The following FAM13B variants were observed in gnomAD, a reference collection of about 807,000 sequenced individuals.
The protein encoded by FAM13B is family with sequence similarity 13 member B.
In FAM13B, 60 loss-of-function variants were observed where a neutral mutation model predicts 117.3. That is an observed-to-expected ratio of 0.51 (90% CI 0.42 to 0.63). The LOEUF (loss-of-function observed/expected upper bound fraction) is 0.63. Ranked by LOEUF, FAM13B falls within the 30% of genes least tolerant of loss-of-function variation. FAM13B has a pLI of 0.00. For synonymous variants in FAM13B, 332 were observed against 356.1 expected, an observed-to-expected ratio of 0.93 and a Z score of 0.76; for missense variants, 972 against 1,091.9, an observed-to-expected ratio of 0.89 and a Z score of 1.55.
Position 138,019,927 on chromosome 5 carries a change from G to A in FAM13B, c.-35-781C>T, listed in dbSNP as rs561590014. The stretch of plus-strand genomic sequence containing the variant: ...CATCTCCTGACCTCGTGATCTGCCC[G>A]TCTCGGCCCCCAAAGTGCTGGGATT... On this transcript the variant is annotated intron_variant, in intron 2 of 23. Transcript: ENST00000689681. 6.3e-5 allele frequency: 33 copies of A among 522,886 alleles called. No homozygotes were observed. In the South Asian group the frequency reaches 1.1e-3, roughly 17 times the overall value. 32.4% of individuals were successfully genotyped at this position (522,886 alleles called of 1,614,324 possible). A position where few individuals can be genotyped will look rare whatever the true frequency, so the allele number is the denominator to read the frequency against.
intron 6 of FAM13B, among the ~76,000 whole-genome samples, chr5:138,010,019 C>T (rs576877880): frequency 3.3e-5 from 5 of 152,136 alleles, no homozygotes; most frequent in African/African-American, 1.2e-4. Flanking sequence ...CTTGCTCTGT[C>T]GGTCAGGCTG....
intron 13 of FAM13B, among the ~76,000 whole-genome samples, chr5:137,956,757 AG>A (rs3836894): frequency 1.3e-5 from 2 of 149,760 alleles, no homozygotes; most frequent in Admixed American, 6.6e-5. Context: ...AATGCAAAAA[AG>A]GGGGGGGAAA....
upstream of FAM13B, among the ~76,000 whole-genome samples, chr5:138,033,480 G>A (rs1790731246): frequency 6.6e-6 from 1 of 152,196 alleles, no homozygotes; most frequent in Admixed American, 6.5e-5. Flanking sequence ...CGGTGACTTC[G>A]GTTCCCATTC....
At chr5:137,969,757 G>C (rs936512105) in intron 10 of FAM13B, among the ~76,000 whole-genome samples, 1 of 152,028 alleles carries the variant, frequency 6.6e-6, no homozygotes, top group African/African-American at 2.4e-5. Flanking sequence ...ATACAGAGAA[G>C]TGCTTAAAGG....
intron 4 of FAM13B, among the ~76,000 whole-genome samples, chr5:138,016,440 C>G (rs1785277738): frequency 6.6e-6 from 1 of 152,106 alleles, no homozygotes; most frequent in African/African-American, 2.4e-5. Flanking sequence ...GCTTGGGCAA[C>G]ATAGCAAGAT....
At chr5:137,942,285 AAAG>A in intron 22 of FAM13B, 1 of 500,660 alleles carries the variant, frequency 2.0e-6, no homozygotes, top group Non-Finnish European at 3.5e-6. Context: ...ATCCAAAGGT[AAAG>A]AAGTGGATAT....
upstream of FAM13B, chr5:138,036,233 G>C (rs142398292): frequency 5.6e-6 from 2 of 357,080 alleles, no homozygotes; most frequent in Non-Finnish European, 1.1e-5. Context: ...AAATTACAAC[G>C]ACTGCTTCCC....
intron 3 of FAM13B, 93 bp downstream of exon 3, chr5:138,018,862 T>C: frequency 6.7e-6 from 7 of 1,038,816 alleles, no homozygotes; most frequent in Non-Finnish European, 8.3e-6. Context: ...GGACTTTCCA[T>C]ATTAAAAAAA....
Position 137,941,916 on chromosome 5 carries a change from T to C in FAM13B, c.2690+28A>G, listed in dbSNP as rs1374755349. ...CAGTTTGTGAGTTAGAGAAGAAAGATGACTCAATTTTGTGATGCTCAACAA... is the reference window on the plus strand; with the variant it reads ...CAGTTTGTGAGTTAGAGAAGAAAGACGACTCAATTTTGTGATGCTCAACAA... On this transcript the variant is annotated intron_variant, in intron 23 of 23. Transcript: ENST00000689681. 2.6e-6 allele frequency: 4 copies of C among 1,549,108 alleles called. No individual in the cohort carries two copies. The South Asian group carries it at 4.5e-5, about 17-fold the overall frequency.
chr5:137,988,335 T>A lies in FAM13B; in HGVS notation c.849-20A>T. 1.3e-6 allele frequency: 2 copies of A among 1,554,492 alleles called. No individual in the cohort carries two copies. Among genetic ancestry groups the A allele is most frequent in the Non-Finnish European group, 1.7e-6 (2 of 1,159,094 alleles). ...TGGGTGCTGCAATCAAAGAAAGAAA[T>A]TAGCTATAAAAATGTTCAATACTTA... On this transcript the variant is annotated intron_variant, in intron 7 of 23. Transcript: ENST00000689681.
intron 1 of FAM13B, among the ~76,000 whole-genome samples, chr5:138,044,151 A>G (rs1581332412): frequency 6.7e-6 from 1 of 150,346 alleles, no homozygotes; most frequent in African/African-American, 2.4e-5. Context: ...CTGGTCTTGA[A>G]CTCCTGGCCT....
intron 22 of FAM13B, 31 bp from the exon 23 acceptor site, chr5:137,942,076 C>T (rs1420210104): frequency 6.5e-7 from 1 of 1,529,506 alleles, no homozygotes; most frequent in Admixed American, 1.7e-5. Context: ...TACTGAAGGG[C>T]ACACTTGATT....
At chr5:137,940,398 A>C in intron 23 of FAM13B, 50 bp from the exon 24 acceptor site, 2 of 1,379,378 alleles carry the variant, frequency 1.4e-6, no homozygotes, top group Non-Finnish European at 1.0e-6. Flanking sequence ...TTTGGAAAAA[A>C]AGATCCAAAA....
At chr5:137,970,530 G>C (rs1771765017) in intron 10 of FAM13B, among the ~76,000 whole-genome samples, 1 of 152,022 alleles carries the variant, frequency 6.6e-6, no homozygotes, top group African/African-American at 2.4e-5. Context: ...AGACCATCGA[G>C]ACTAGGAAGA....
In FAM13B at chr5:138,030,715, C is replaced by G. The variant is rs1561550100; in HGVS notation, c.-203+2067G>C. 1.4e-5 allele frequency among the ~76,000 whole-genome samples: 2 copies of G among 141,744 alleles called. 1 individual carries two copies. The highest frequency in any genetic ancestry group is 3.1e-5 in the Non-Finnish European group (2 of 65,008). The allele number at this position is 141,744 out of a possible 152,430, so 93.0% of individuals were successfully genotyped here. A position where few individuals can be genotyped will look rare whatever the true frequency, so the allele number is the denominator to read the frequency against. ...GGCAACAAGAATGAAACTCCGTCCC[C>G]CCCCCCCAAAAAAAAAAATTGAACG... is the stretch of plus-strand genomic sequence containing the variant. On this transcript the variant is annotated intron_variant, in intron 1 of 23. Coordinates refer to ENST00000689681, the MANE Select transcript of FAM13B (RefSeq NM_001385994.1).
chr5:138,043,739 C>CT (rs922746386), intron 1 of FAM13B, among the ~76,000 whole-genome samples: 3 of 151,854 alleles, frequency 2.0e-5, no homozygotes, highest in Admixed American at 1.3e-4. Flanking sequence ...CACCCGGCCT[C>CT]TTTTTTTTCT....
At chr5:137,987,833 A>C (rs1164817612) in intron 8 of FAM13B, among the ~76,000 whole-genome samples, 5 of 152,180 alleles carry the variant, frequency 3.3e-5, no homozygotes, top group Non-Finnish European at 7.4e-5. Context: ...AATCAACCAT[A>C]ATGTCACTAT....
intron 10 of FAM13B, among the ~76,000 whole-genome samples, chr5:137,977,293 C>G (rs1374282198): frequency 6.6e-6 from 1 of 152,184 alleles, no homozygotes; most frequent in Non-Finnish European, 1.5e-5. Context: ...ACTTCATCAG[C>G]AATTTTAATT....
rs538773258 is a variant in FAM13B at position 137,987,841 on chromosome 5, T to TA, written c.891-226dup. On this transcript the variant is annotated intron_variant, in intron 8 of 23. Coordinates refer to ENST00000689681, the MANE Select transcript of FAM13B (RefSeq NM_001385994.1). The stretch of plus-strand genomic sequence containing the variant: ...ATATACAAATCAACCATAATGTCAC[T>TA]ATTATTACTGGGATGGGAAAGATCA... Among the ~76,000 whole-genome samples the TA allele has an allele frequency of 1.1e-4, 16 of 152,312 alleles. No individual in the cohort carries two copies. In the South Asian group the frequency reaches 2.9e-3, roughly 28 times the overall value.
Sources: allele counts gnomAD v4.1 joint callset (sites outside exome capture counted in the v4.1 genomes callset), GRCh38; gene constraint gnomAD v4.1.1; transcripts MANE v1.5; gene names NCBI Gene and HGNC (gene_info 2026-07-23, HGNC 2026-07-21).